Variants in USP12 observed in about 807,000 individuals in gnomAD.
The protein encoded by USP12 is ubiquitin carboxyl-terminal hydrolase 12.
A neutral mutation model predicts 45.5 loss-of-function variants in USP12; 19 were observed. That is an observed-to-expected ratio of 0.42 (90% CI 0.29 to 0.61). The LOEUF (loss-of-function observed/expected upper bound fraction) is 0.61. Among genes scored for constraint, USP12 ranks in the 20% least tolerant of loss-of-function variants. USP12 has a pLI of 0.22. For synonymous variants in USP12, 149 were observed against 148.8 expected (o/e 1.00, Z -0.01); for missense variants, 242 against 447.7 (o/e 0.54, Z 4.15).
intron 1 of USP12, among the ~76,000 whole-genome samples, chr13:27,149,056 C>T (rs1877451061): frequency 1.3e-5 from 2 of 152,106 alleles, no homozygotes; most frequent in Admixed American, 6.5e-5. Context: ...TGGTGGCACA[C>T]GCCTGTAGTC....
chr13:27,071,282 TTACC>T, intron 7 of USP12, 133 bp from the exon 8 acceptor site: 1 of 679,034 alleles, frequency 1.5e-6, no homozygotes, highest in East Asian at 3.0e-5. Flanking sequence ...TTTATACCCC[TTACC>T]TATTCTTGCC....
intron 1 of USP12, among the ~76,000 whole-genome samples, chr13:27,122,430 G>C (rs866910740): frequency 1.6e-4 from 25 of 151,850 alleles, no homozygotes; most frequent in African/African-American, 5.8e-4. Context: ...TTTTCTTCAC[G>C]GTCTTGGGTA....
At chr13:27,152,483 AAAG>A (rs1204944888) in intron 1 of USP12, among the ~76,000 whole-genome samples, 5 of 152,160 alleles carry the variant, frequency 3.3e-5, no homozygotes, top group African/African-American at 1.2e-4. Context: ...GAGGGAAAGG[AAAG>A]AAGGAGGAGA....
rs374691672 is a variant in USP12 at position 27,136,508 on chromosome 13, AATACATAC to A, written c.49-19920_49-19913del. On this transcript the variant is annotated intron_variant, in intron 1 of 8. Coordinates refer to ENST00000282344, the MANE Select transcript of USP12 (RefSeq NM_182488.4). ...AATGAAAGCCCGCCTCAAATAAACA[AATACATAC>A]ATACATACATACCCTTTAGGTAATT... Among the ~76,000 whole-genome samples, 11 of 152,160 alleles carry A rather than the reference AATACATAC, an allele frequency of 7.2e-5. No individual in the cohort carries two copies. The South Asian group carries it at 1.5e-3, about 20-fold the overall frequency.
intron 3 of USP12, among the ~76,000 whole-genome samples, chr13:27,103,797 G>GA (rs765987177): frequency 1.2e-4 from 17 of 142,332 alleles, no homozygotes; most frequent in East Asian, 6.1e-4. Context: ...GATGAAAAAA[G>GA]AAAAAAAGCC....
intron 1 of USP12, among the ~76,000 whole-genome samples, chr13:27,122,016 T>G (rs182268914): frequency 6.6e-6 from 1 of 151,686 alleles, no homozygotes; most frequent in Non-Finnish European, 1.5e-5. Context: ...AATATAAAAG[T>G]TGGAAAAGCT....
At chr13:27,162,543 CAGAT>C (rs1878157529) in intron 1 of USP12, among the ~76,000 whole-genome samples, 4 of 152,188 alleles carry the variant, frequency 2.6e-5, no homozygotes, top group South Asian at 4.1e-4. Context: ...TTCAAGATGA[CAGAT>C]AGAGAAAGAC....
intron 1 of USP12, among the ~76,000 whole-genome samples, chr13:27,141,173 G>A (rs1206760710): frequency 6.6e-6 from 1 of 151,986 alleles, no homozygotes; most frequent in African/African-American, 2.4e-5. Context: ...GCACCATCAT[G>A]CCTGGCTAAT....
At chr13:27,107,833 A>G (rs909868179) in intron 2 of USP12, among the ~76,000 whole-genome samples, 11 of 152,332 alleles carry the variant, frequency 7.2e-5, no homozygotes, top group African/African-American at 2.6e-4. Context: ...CCACAATGAG[A>G]TACCATCTCA....
chr13:27,144,808 C>G (rs1459529051), intron 1 of USP12, among the ~76,000 whole-genome samples: 1 of 150,948 alleles, frequency 6.6e-6, no homozygotes, highest in Non-Finnish European at 1.5e-5. Flanking sequence ...GCCTGTAATC[C>G]CAGCACTTTG....
intron 6 of USP12, among the ~76,000 whole-genome samples, chr13:27,088,532 T>G (rs993437520): frequency 1.0e-3 from 154 of 152,266 alleles, no homozygotes; most frequent in Non-Finnish European, 1.3e-3. Flanking sequence ...TGTCTCGCTG[T>G]GCCTAAATTG....
intron 1 of USP12, among the ~76,000 whole-genome samples, chr13:27,171,301 G>A (rs1292224487): frequency 1.3e-5 from 2 of 149,766 alleles, no homozygotes; most frequent in South Asian, 2.1e-4. Context: ...GACTCCCGGA[G>A]GCCGGTGCCC....
At chr13:27,086,051 T>G (rs1873996295) in intron 6 of USP12, among the ~76,000 whole-genome samples, 2 of 151,244 alleles carry the variant, frequency 1.3e-5, no homozygotes, top group South Asian at 4.2e-4. Flanking sequence ...ACATCTGTAG[T>G]CCCAGCTACA....
chr13:27,160,909 C>T (rs983280994), intron 1 of USP12, among the ~76,000 whole-genome samples: 4 of 151,974 alleles, frequency 2.6e-5, no homozygotes, highest in Non-Finnish European at 5.9e-5. Flanking sequence ...CGGGTTAAGC[C>T]CAGCATCCAT....
intron 1 of USP12, chr13:27,117,691 T>G: frequency 1.9e-6 from 1 of 516,424 alleles, no homozygotes; most frequent in Admixed American, 1.9e-5. Context: ...CCTGAGTGAG[T>G]GCTGGAAGAG....
Position 27,095,805 on chromosome 13 carries a change from T to C in USP12, c.369A>G (p.Gln123=). ...ENELFDNYMQ[Q]DAHEFLNYLL... is the part of the protein sequence containing the mutation. ...GGTAATTTAAGAATTCATGGGCATC[T>C]TGTTGCATGTAGTTGTCAAAAAGCT... is the stretch of plus-strand genomic sequence containing the variant. Residue 123 remains glutamine (Q), a synonymous_variant, in exon 4 of 9, where the codon CAA becomes CAG. Coordinates refer to ENST00000282344, the MANE Select transcript of USP12 (RefSeq NM_182488.4). The C allele has an allele frequency of 6.2e-7, 1 of 1,608,306 alleles. No individual in the cohort carries two copies. The highest frequency in any genetic ancestry group is 8.5e-7 in the Non-Finnish European group (1 of 1,177,850).
At position 27,171,744 on chromosome 13, in the gene USP12, C is replaced by A. The variant is rs1279271388; in HGVS notation, c.-105G>T. On this transcript the variant is annotated 5_prime_UTR_variant, in exon 1 of 9. Coordinates refer to ENST00000282344, the MANE Select transcript of USP12 (RefSeq NM_182488.4). ...CGCAGCCCGCGGGCGGACCCCGAGC[C>A]GCCGCGGACCCAACCACCGAGCCCG... 3.0e-6 allele frequency: 2 copies of A among 666,074 alleles called. No homozygotes were observed. Among genetic ancestry groups the A allele is most frequent in the East Asian group, 2.4e-4 (2 of 8,302 alleles). The allele number at this position is 666,074 out of a possible 1,614,324, so 41.3% of individuals were successfully genotyped here.
chr13:27,118,770 G>C (rs1875855651), intron 1 of USP12, among the ~76,000 whole-genome samples: 1 of 152,174 alleles, frequency 6.6e-6, no homozygotes, highest in Non-Finnish European at 1.5e-5. Flanking sequence ...ACCTTAGGAA[G>C]GCATTTCTGG....
chr13:27,083,216 A>G (rs1209209848), intron 6 of USP12, among the ~76,000 whole-genome samples: 2 of 152,220 alleles, frequency 1.3e-5, no homozygotes, highest in African/African-American at 2.4e-5. Context: ...CTGATCATGT[A>G]TCACCGTAAC....
Sources: gnomAD v4.1 joint callset for allele counts (sites outside exome capture counted in the v4.1 genomes callset) on GRCh38, gnomAD v4.1.1 for gene constraint, MANE v1.5 for transcripts, NCBI Gene and HGNC (gene_info 2026-07-23, HGNC 2026-07-21) for gene names.